SFRP1: variants seen among roughly 807,000 people sequenced by gnomAD.
SFRP1 encodes secreted frizzled-related protein 1.
SFRP1 carries 9 observed loss-of-function variants against 25.9 expected under a neutral mutation model. The ratio of observed to expected loss-of-function variants is 0.35; its 90% CI spans 0.21 to 0.61. The LOEUF is 0.61. Among genes scored for constraint, SFRP1 ranks in the 20% least tolerant of loss-of-function variants. The pLI, the probability that SFRP1 is intolerant of heterozygous loss-of-function variation, is 0.78. For synonymous variants in SFRP1, 178 were observed against 174.0 expected, an observed-to-expected ratio of 1.02 and a Z score of -0.18; for missense variants, 346 against 418.2, an observed-to-expected ratio of 0.83 and a Z score of 1.51.
chr8:41,296,369 T>C (rs1372979820), intron 2 of SFRP1, among the ~76,000 whole-genome samples: 1 of 152,178 alleles, frequency 6.6e-6, no homozygotes, highest in African/African-American at 2.4e-5. Flanking sequence ...ACAGTGTTCC[T>C]GAAAGACTAA....
intron 2 of SFRP1, among the ~76,000 whole-genome samples, chr8:41,282,287 T>A (rs1202878767): frequency 6.6e-6 from 1 of 152,168 alleles, no homozygotes; most frequent in Admixed American, 6.5e-5. Flanking sequence ...AGGCCAAGGT[T>A]GGGGGATGGC....
At chr8:41,307,726 G>A (rs1320988646) in intron 1 of SFRP1, among the ~76,000 whole-genome samples, 1 of 152,088 alleles carries the variant, frequency 6.6e-6, no homozygotes, top group Non-Finnish European at 1.5e-5. Flanking sequence ...GACTTCCCAG[G>A]ATTTTTTTTT....
intron 1 of SFRP1, chr8:41,306,993 A>C: frequency 6.8e-7 from 1 of 1,460,372 alleles, no homozygotes; most frequent in East Asian, 2.5e-5. Flanking sequence ...TCATGTCTGC[A>C]GACGGTCCCA....
At chr8:41,297,172 T>C (rs1212701782) in intron 2 of SFRP1, among the ~76,000 whole-genome samples, 4 of 152,160 alleles carry the variant, frequency 2.6e-5, no homozygotes, top group Non-Finnish European at 5.9e-5. Context: ...GCCTCTGAAG[T>C]AGCTGGGATT....
chr8:41,289,524 A>T (rs1473103444), intron 2 of SFRP1, among the ~76,000 whole-genome samples: 1 of 152,178 alleles, frequency 6.6e-6, no homozygotes, highest in Non-Finnish European at 1.5e-5. Context: ...AGGTGGTAGA[A>T]CCAGGCGCTG....
At chr8:41,303,312 A>G in intron 2 of SFRP1, 149 bp downstream of exon 2, 1 of 661,776 alleles carries the variant, frequency 1.5e-6, no homozygotes. Context: ...CTAGTCTCCC[A>G]TCTGCCTGAG....
intron 1 of SFRP1, 77 bp downstream of exon 1, chr8:41,308,539 G>A: frequency 8.2e-7 from 1 of 1,222,728 alleles, no homozygotes; most frequent in Non-Finnish European, 1.1e-6. Context: ...GCGGGCGTAG[G>A]GTGGCGCGGG....
intron 2 of SFRP1, chr8:41,275,061 C>A (rs1803554966): frequency 3.0e-6 from 1 of 332,192 alleles, no homozygotes; most frequent in Non-Finnish European, 5.9e-6. Flanking sequence ...TTTAGTCAAT[C>A]CCCATCATTT....
chr8:41,277,219 C>T (rs1803582351), intron 2 of SFRP1, among the ~76,000 whole-genome samples: 1 of 151,472 alleles, frequency 6.6e-6, no homozygotes, highest in Non-Finnish European at 1.5e-5. Flanking sequence ...CCCCAGCCCC[C>T]CACCCTCACC....
intron 1 of SFRP1, among the ~76,000 whole-genome samples, chr8:41,304,770 C>T (rs1213546154): frequency 1.3e-5 from 2 of 152,136 alleles, no homozygotes; most frequent in Non-Finnish European, 2.9e-5. Flanking sequence ...CCTCAGGACA[C>T]AAGTGGCCCA....
chr8:41,288,643 A>G (rs1803739048), intron 2 of SFRP1, among the ~76,000 whole-genome samples: 2 of 151,022 alleles, frequency 1.3e-5, no homozygotes, highest in African/African-American at 4.9e-5. Flanking sequence ...TGGGGGATGC[A>G]TGATGGCCAT....
At chr8:41,269,482 C>T (rs1200736352) in intron 2 of SFRP1, among the ~76,000 whole-genome samples, 1 of 152,188 alleles carries the variant, frequency 6.6e-6, no homozygotes, top group Non-Finnish European at 1.5e-5. Context: ...TACTTGCAGT[C>T]ACCCAAACCA....
At chr8:41,300,962 C>T (rs1336071500) in intron 2 of SFRP1, among the ~76,000 whole-genome samples, 1 of 152,112 alleles carries the variant, frequency 6.6e-6, no homozygotes, top group East Asian at 1.9e-4. Flanking sequence ...AAAAATGTGC[C>T]CTGAACTGAG....
chr8:41,265,112 T>TACCC lies in SFRP1; in HGVS notation c.*54_*55insGGGT. 1.2e-4 allele frequency: 60 copies of TACCC among 517,724 alleles called. No individual in the cohort carries two copies. Among genetic ancestry groups the TACCC allele is most frequent in the Middle Eastern group, 5.6e-4 (1 of 1,776 alleles). 32.1% of individuals were successfully genotyped at this position (517,724 alleles called of 1,614,324 possible). On this transcript the variant is annotated 3_prime_UTR_variant, in exon 3 of 3. Coordinates refer to ENST00000220772, the MANE Select transcript of SFRP1 (RefSeq NM_003012.5). ...GACCCACCGGGTTCCCGGGGCACTG[T>TACCC]CCCCCCCGCTCCCACCCCACCCGAG...
chr8:41,276,938 C>T (rs1230064688), intron 2 of SFRP1: 2 of 456,258 alleles, frequency 4.4e-6, no homozygotes, highest in Non-Finnish European at 8.8e-6. Context: ...CACACACTCG[C>T]CAGCATCATC....
chr8:41,291,967 C>T (rs181801637), intron 2 of SFRP1, among the ~76,000 whole-genome samples: 9 of 152,208 alleles, frequency 5.9e-5, no homozygotes, highest in Non-Finnish European at 1.0e-4. Context: ...CCAGGGGCAC[C>T]CCAATACAGA....
At chr8:41,301,673 T>C (rs1803918457) in intron 2 of SFRP1, among the ~76,000 whole-genome samples, 1 of 152,150 alleles carries the variant, frequency 6.6e-6, no homozygotes, top group African/African-American at 2.4e-5. Context: ...TCCTTCTTTA[T>C]CAAATAAGAG....
At chr8:41,300,688 G>T (rs138427987) in intron 2 of SFRP1, among the ~76,000 whole-genome samples, 4 of 152,296 alleles carry the variant, frequency 2.6e-5, no homozygotes, top group Admixed American at 2.6e-4. Context: ...TTAGTGTGGC[G>T]GCTCGCAAAT....
chr8:41,282,353 AT>A (rs945487355), intron 2 of SFRP1, among the ~76,000 whole-genome samples: 7 of 152,006 alleles, frequency 4.6e-5, no homozygotes, highest in African/African-American at 7.2e-5. Flanking sequence ...CCAGCTCTAC[AT>A]TTTTTTTAAC....
Sources: gnomAD v4.1 joint callset for allele counts (sites outside exome capture counted in the v4.1 genomes callset) on GRCh38, gnomAD v4.1.1 for gene constraint, MANE v1.5 for transcripts, NCBI Gene and HGNC (gene_info 2026-07-23, HGNC 2026-07-21) for gene names.